Variants in NPR3 observed in about 807,000 individuals in gnomAD.
NPR3 encodes natriuretic peptide receptor 3.
A neutral mutation model predicts 54.5 loss-of-function variants in NPR3; 34 were observed. The ratio of observed to expected loss-of-function variants is 0.62; its 90% CI spans 0.47 to 0.83. The LOEUF (loss-of-function observed/expected upper bound fraction) is 0.83. Ranked by LOEUF, NPR3 falls within the 40% of genes least tolerant of loss-of-function variation. The probability of loss-of-function intolerance (pLI) is 0.00; values close to 1 mark genes in which losing one functional copy is unlikely to be tolerated. For synonymous variants in NPR3, 289 were observed against 297.1 expected (o/e 0.97, Z 0.28); for missense variants, 674 against 720.8 (o/e 0.94, Z 0.74).
chr5:32,743,270 A>G (rs1049031654), intron 3 of NPR3, among the ~76,000 whole-genome samples: 1 of 152,202 alleles, frequency 6.6e-6, no homozygotes, highest in African/African-American at 2.4e-5. Flanking sequence ...TTCCTTGTAT[A>G]CGTTTCCCAG....
At chr5:32,734,452 A>AG (rs1025905636) in intron 2 of NPR3, among the ~76,000 whole-genome samples, 23 of 152,320 alleles carry the variant, frequency 1.5e-4, no homozygotes, top group African/African-American at 5.1e-4. Flanking sequence ...GCAGCTCTTC[A>AG]CCACAGGATC....
chr5:32,765,706 G>A (rs1392922615), intron 3 of NPR3, among the ~76,000 whole-genome samples: 1 of 152,194 alleles, frequency 6.6e-6, no homozygotes, highest in African/African-American at 2.4e-5. Context: ...GAATTGGATG[G>A]TTCAGAGACG....
At position 32,788,774 on chromosome 5, in the gene NPR3, A is replaced by C. The variant is rs1448885720; in HGVS notation, c.*2429A>C. On this transcript the variant is annotated 3_prime_UTR_variant, in exon 8 of 8. Coordinates refer to ENST00000265074, the MANE Select transcript of NPR3 (RefSeq NM_001204375.2). ...TATTCTAAAAGTGGCAGAACAAATC[A>C]TGAGGTTTCTGGATGCTATACCAAT... The C allele has an allele frequency of 1.3e-5, 2 of 152,240 alleles. No individual in the cohort carries two copies. The highest frequency in any genetic ancestry group is 4.8e-5 in the African/African-American group (2 of 41,460). The allele number at this position is 152,240 out of a possible 1,614,324, so 9.4% of individuals were successfully genotyped here.
intron 1 of NPR3, chr5:32,713,403 G>A (rs1431422010): frequency 1.0e-6 from 1 of 985,364 alleles, no homozygotes; most frequent in African/African-American, 1.7e-5. Flanking sequence ...GGGGGGACGC[G>A]GACGTGTAAT....
rs968935283 is a variant in NPR3, at chr5:32,743,927, A to T, written c.1059+4897A>T. ...CTATTCCTATGGGTACTATAATATT[A>T]AAAAAATGCATTTGTTCTTTTACTA... On this transcript the variant is annotated intron_variant, in intron 3 of 7. Transcript: ENST00000265074. Among the ~76,000 whole-genome samples, 24 of 151,904 alleles carry T rather than the reference A, an allele frequency of 1.6e-4. 1 individual carries two copies. The highest frequency in any genetic ancestry group is 3.9e-4 in the African/African-American group (16 of 41,358).
In NPR3 at chr5:32,712,334, G is replaced by C; in HGVS notation, c.558G>C (p.Glu186Asp). Reference sequence around the variant, plus strand: ...CGCCCGCCTACGCCAAGATGGGCGAGATGATGCTCGCCCTGTTCCGCCACC... The same window carrying C: ...CGCCCGCCTACGCCAAGATGGGCGACATGATGCTCGCCCTGTTCCGCCACC... ...RVAPAYAKMGEMMLALFRHHH... is the reference protein window; with the variant it reads ...RVAPAYAKMGDMMLALFRHHH... Residue 186 changes from glutamate to aspartate, a missense_variant, in exon 1 of 8, where the codon GAG (glutamate) becomes GAC (aspartate). Glu to Asp is a conservative substitution (Grantham distance 45). Transcript: ENST00000265074. 1 of 1,613,436 alleles carries C rather than the reference G, an allele frequency of 6.2e-7. No individual in the cohort carries two copies. The highest frequency in any genetic ancestry group is 8.5e-7 in the Non-Finnish European group (1 of 1,179,676).
intron 1 of NPR3, among the ~76,000 whole-genome samples, chr5:32,700,045 A>G (rs1314185431): frequency 1.3e-5 from 2 of 152,202 alleles, no homozygotes; most frequent in Non-Finnish European, 2.9e-5. Context: ...TAAGGTTTCT[A>G]CTGAGATGTT....
intron 3 of NPR3, among the ~76,000 whole-genome samples, chr5:32,752,871 T>TA (rs1215251547): frequency 2.0e-5 from 3 of 152,318 alleles, no homozygotes; most frequent in Admixed American, 6.5e-5. Flanking sequence ...ATCTAAAAAA[T>TA]ATACATTACT....
intron 1 of NPR3, among the ~76,000 whole-genome samples, chr5:32,692,228 T>C (rs760094113): frequency 3.3e-5 from 5 of 152,054 alleles, no homozygotes; most frequent in African/African-American, 4.8e-5. Flanking sequence ...ATGAAGAAAA[T>C]GTGTACACTT....
At chr5:32,730,679 A>G (rs1043092805) in intron 2 of NPR3, among the ~76,000 whole-genome samples, 2 of 152,220 alleles carry the variant, frequency 1.3e-5, no homozygotes, top group Non-Finnish European at 2.9e-5. Flanking sequence ...TATTCTAGCA[A>G]TGAACATGTA....
chr5:32,710,823 C>G, upstream of NPR3: 1 of 1,497,568 alleles, frequency 6.7e-7, no homozygotes, highest in South Asian at 1.3e-5. Flanking sequence ...GCACCGAAAC[C>G]ACAATTTCTA....
At position 32,788,385 on chromosome 5, in the gene NPR3, A is replaced by G. The variant is rs974039018; in HGVS notation, c.*2040A>G. On this transcript the variant is annotated 3_prime_UTR_variant, in exon 8 of 8. Transcript: ENST00000265074. ...GCGTTGTACCACTTGGGACTCCCCA[A>G]AGTGAAACAGCAAGGAAGGATTGTG... The G allele has an allele frequency of 1.3e-5, 2 of 152,212 alleles. No homozygotes were observed. The highest frequency in any genetic ancestry group is 2.4e-5 in the African/African-American group (1 of 41,458). 9.4% of individuals were successfully genotyped at this position (152,212 alleles called of 1,614,324 possible). A position where few individuals can be genotyped will look rare whatever the true frequency, so the allele number is the denominator to read the frequency against.
intron 1 of NPR3, among the ~76,000 whole-genome samples, chr5:32,718,853 C>T (rs1214773059): frequency 1.3e-5 from 2 of 152,272 alleles, no homozygotes; most frequent in East Asian, 1.9e-4. Flanking sequence ...TTTCTCCTGC[C>T]TGATTGCCCT....
At position 32,790,450 on chromosome 5, in the gene NPR3, G is replaced by C. The variant is rs548144747; in HGVS notation, c.*4105G>C. ...AGTAGGCCTCCATACTTCCTCGGGGGAAGAAAGAGAAACTAGTGCTGGTTT... is the reference window on the plus strand; with the variant it reads ...AGTAGGCCTCCATACTTCCTCGGGGCAAGAAAGAGAAACTAGTGCTGGTTT... On this transcript the variant is annotated 3_prime_UTR_variant, in exon 8 of 8. Coordinates refer to ENST00000265074, the MANE Select transcript of NPR3 (RefSeq NM_001204375.2). The C allele has an allele frequency of 6.0e-6, 1 of 167,234 alleles. No homozygotes were observed. The highest frequency in any genetic ancestry group is 2.4e-5 in the African/African-American group (1 of 41,572). The allele number at this position is 167,234 out of a possible 1,614,324, so 10.4% of individuals were successfully genotyped here. A position where few individuals can be genotyped will look rare whatever the true frequency, so the allele number is the denominator to read the frequency against.
At chr5:32,783,154 T>A in intron 6 of NPR3, 126 bp downstream of exon 6, 2 of 836,282 alleles carry the variant, frequency 2.4e-6, no homozygotes, top group South Asian at 2.0e-5. Flanking sequence ...TCTGATGTGG[T>A]AAAACGCATG....
At chr5:32,785,416 G>A (rs1353817274) in intron 7 of NPR3, among the ~76,000 whole-genome samples, 1 of 152,102 alleles carries the variant, frequency 6.6e-6, no homozygotes, top group Non-Finnish European at 1.5e-5. Flanking sequence ...CTCCCAAAGT[G>A]CTGGGATTAC....
chr5:32,773,994 G>A (rs926753757), intron 3 of NPR3, among the ~76,000 whole-genome samples: 1 of 152,168 alleles, frequency 6.6e-6, no homozygotes, highest in Non-Finnish European at 1.5e-5. Flanking sequence ...TGAGGGCAAG[G>A]GCTAGCTTAC....
chr5:32,712,358 C>T lies in NPR3; in HGVS notation c.582C>T (p.His194=). 6.2e-7 allele frequency: 1 copy of T among 1,612,842 alleles called. No individual in the cohort carries two copies. The highest frequency in any genetic ancestry group is 8.5e-7 in the Non-Finnish European group (1 of 1,179,212). ...MGEMMLALFR[H]HHWSRAALVY... ...AGATGATGCTCGCCCTGTTCCGCCA[C>T]CACCACTGGAGCCGCGCTGCACTGG... is the stretch of plus-strand genomic sequence containing the variant. The change falls in exon 1 of 8, where the codon CAC becomes CAT. Residue 194 remains histidine, a synonymous_variant. Coordinates refer to ENST00000265074, the MANE Select transcript of NPR3 (RefSeq NM_001204375.2).
chr5:32,699,039 G>A (rs1024702905), intron 1 of NPR3, among the ~76,000 whole-genome samples: 1 of 152,066 alleles, frequency 6.6e-6, no homozygotes, highest in Non-Finnish European at 1.5e-5. Flanking sequence ...TTATTTTGTG[G>A]TTTTCTCTTC....
Sources: allele counts gnomAD v4.1 joint callset (sites outside exome capture counted in the v4.1 genomes callset), GRCh38; gene constraint gnomAD v4.1.1; transcripts MANE v1.5; gene names NCBI Gene and HGNC (gene_info 2026-07-23, HGNC 2026-07-21).